TYK2: variants seen among roughly 807,000 people sequenced by gnomAD.
The protein encoded by TYK2 is non-receptor tyrosine-protein kinase TYK2.
In TYK2, 65 loss-of-function variants were observed where a neutral mutation model predicts 130.9. The ratio of observed to expected loss-of-function variants is 0.50; its 90% CI spans 0.41 to 0.61. The LOEUF (loss-of-function observed/expected upper bound fraction) is 0.61. Among genes scored for constraint, TYK2 ranks in the 20% least tolerant of loss-of-function variants. The pLI is 0.00. For synonymous variants in TYK2, 647 were observed against 658.9 expected, an observed-to-expected ratio of 0.98 and a Z score of 0.28; for missense variants, 1,378 against 1,610.7, an observed-to-expected ratio of 0.86 and a Z score of 2.47.
At chr19:10,370,047 CAACACAACAA>C in intron 3 of TYK2, among the ~76,000 whole-genome samples, 1 of 148,238 alleles carries the variant, frequency 6.7e-6, no homozygotes, top group African/African-American at 2.5e-5. Context: ...CTGTCTCAAA[CAACACAACAA>C]AACAAAACAA....
Position 10,364,495 on chromosome 19 carries a change from C to CA in TYK2, c.1367+118dup. ...TGCCACTGCACTCCAGTTTGGGCGA[C>CA]AAAAAATAAAAAAAAAATAAGACGT... On this transcript the variant is annotated intron_variant, in intron 9 of 24. Coordinates refer to ENST00000525621, the MANE Select transcript of TYK2 (RefSeq NM_003331.5). The surrounding 1 kb of genome is among the most constrained non-coding windows in gnomAD (Gnocchi z 4.9). 2.3e-6 allele frequency: 3 copies of CA among 1,284,224 alleles called. No homozygotes were observed. Among genetic ancestry groups the CA allele is most frequent in the South Asian group, 1.3e-5 (1 of 78,220 alleles). The allele number at this position is 1,284,224 out of a possible 1,614,324, so 79.6% of individuals were successfully genotyped here.
chr19:10,362,514 C>G (rs1470105417), intron 10 of TYK2, 35 bp downstream of exon 10: 1 of 1,555,350 alleles, frequency 6.4e-7, no homozygotes, highest in South Asian at 1.2e-5. Context: ...GGGAACGTGT[C>G]CAGCCCCAGC....
Position 10,365,020 on chromosome 19 carries a change from G to A in TYK2, c.1040C>T (p.Pro347Leu), listed in dbSNP as rs2041591248. Reference protein sequence around the residue: ...EGSSGSSGRNPQASLFGKKAK... With the variant: ...EGSSGSSGRNLQASLFGKKAK... ...CTTCTTCCCAAACAGGCTGGCTTGG[G>A]GGTTCCTGCCACTGCTGCCACTAGA... The change falls in exon 8 of 25, where the codon CCC (proline) becomes CTC (leucine). Residue 347 changes from proline to leucine, a missense_variant. Physicochemically the swap from Pro to Leu is moderately conservative, Grantham distance 98 (BLOSUM62 -3). Transcript: ENST00000525621. 4 of 1,609,788 alleles carry A rather than the reference G, an allele frequency of 2.5e-6. No homozygotes were observed. The highest frequency in any genetic ancestry group is 3.4e-6 in the Non-Finnish European group (4 of 1,177,904).
rs773804132 is a variant in TYK2 at position 10,357,873 on chromosome 19, C to G, written c.2357G>C (p.Gly786Ala). The G allele has an allele frequency of 6.2e-7, 1 of 1,613,546 alleles. No homozygotes were observed. Among genetic ancestry groups the G allele is most frequent in the Non-Finnish European group, 8.5e-7 (1 of 1,180,026 alleles). The stretch of plus-strand genomic sequence containing the variant: ...GGCGGTGCTTAGGCTGTTGGCCCCA[C>G]CTGGTAGGCATTCGGGGGCCAGCCA... ...IPWLAPECLP[G>A]GANSLSTAMD... Residue 786 changes from glycine to alanine, a missense_variant, in exon 17 of 25, where the codon GGT (glycine) becomes GCT (alanine). By Grantham distance (60) the Gly-to-Ala change is moderately conservative (BLOSUM62 0). Coordinates refer to ENST00000525621, the MANE Select transcript of TYK2 (RefSeq NM_003331.5).
At chr19:10,366,390 C>T (rs1179554317) in intron 6 of TYK2, 27 bp downstream of exon 6, 6 of 1,605,960 alleles carry the variant, frequency 3.7e-6, no homozygotes, top group East Asian at 2.2e-5. Context: ...CCTGCCTACA[C>T]AGCGTCCCCA....
Position 10,353,516 on chromosome 19 carries a change from G to T in TYK2, c.3027+12C>A. On this transcript the variant is annotated intron_variant, in intron 21 of 24. Coordinates refer to ENST00000525621, the MANE Select transcript of TYK2 (RefSeq NM_003331.5). This position sits in a 1 kb window ranked among gnomAD's most constrained non-coding sequence, Gnocchi z 6.9. ...GGGGCAAGCTCCAGAAGCAGGGGCG[G>T]GGCCGACCAACCTCGCAGATCTGCT... is the stretch of plus-strand genomic sequence containing the variant. 6.7e-7 allele frequency: 1 copy of T among 1,493,626 alleles called. No homozygotes were observed. Among genetic ancestry groups the T allele is most frequent in the East Asian group, 2.4e-5 (1 of 41,362 alleles). 92.5% of individuals were successfully genotyped at this position (1,493,626 alleles called of 1,614,324 possible). A position where few individuals can be genotyped will look rare whatever the true frequency, so the allele number is the denominator to read the frequency against.
Position 10,361,526 on chromosome 19 carries a change from C to A in TYK2, c.2032G>T (p.Val678Leu). 1 of 1,546,152 alleles carries A rather than the reference C, an allele frequency of 6.5e-7. No individual in the cohort carries two copies. The change falls in exon 14 of 25, where the codon GTG (valine) becomes TTG (leucine). Residue 678 changes from valine (V) to leucine (L), a missense_variant. Physicochemically the swap from Val to Leu is conservative, Grantham distance 32. Coordinates refer to ENST00000525621, the MANE Select transcript of TYK2 (RefSeq NM_003331.5). The surrounding 1 kb of genome is among the most constrained non-coding windows in gnomAD (Gnocchi z 4.0). ...ACCCACTCACTTTCAGGGCCGCGCA[C>A]ACAGACGCCATGCACGAAGGCCAGG... ...THLAFVHGVCVRGPENIMVTE... is the reference protein window; with the variant it reads ...THLAFVHGVCLRGPENIMVTE...
chr19:10,375,783 C>T (rs928153228), intron 3 of TYK2, among the ~76,000 whole-genome samples: 12 of 150,542 alleles, frequency 8.0e-5, no homozygotes, highest in Admixed American at 2.7e-4. Context: ...AAAATCTAGC[C>T]GGGCATGGTG....
intron 3 of TYK2, among the ~76,000 whole-genome samples, chr19:10,372,569 A>G (rs1009248965): frequency 6.2e-5 from 8 of 128,054 alleles, no homozygotes; most frequent in Non-Finnish European, 9.6e-5. Flanking sequence ...TGTAGCTTCA[A>G]CCTCCCGGGC....
At chr19:10,373,988 C>A in intron 3 of TYK2, among the ~76,000 whole-genome samples, 1 of 152,098 alleles carries the variant, frequency 6.6e-6, no homozygotes, top group East Asian at 1.9e-4. Flanking sequence ...GTCATGGGGG[C>A]GGGCACAGTG....
At position 10,353,182 on chromosome 19, in the gene TYK2, T is replaced by TG; in HGVS notation, c.3028-85dup. 1 of 1,265,812 alleles carries TG rather than the reference T, an allele frequency of 7.9e-7. No homozygotes were observed. The highest frequency in any genetic ancestry group is 1.0e-6 in the Non-Finnish European group (1 of 957,766). 78.4% of individuals were successfully genotyped at this position (1,265,812 alleles called of 1,614,324 possible). ...GCAGGACCTGAGCAGCCAGGAGGGC[T>TG]GGGGGACAGTCAGGTCAGGCCGGTG... On this transcript the variant is annotated intron_variant, in intron 21 of 24. Coordinates refer to ENST00000525621, the MANE Select transcript of TYK2 (RefSeq NM_003331.5). The surrounding 1 kb of genome is among the most constrained non-coding windows in gnomAD (Gnocchi z 6.9).
intron 5 of TYK2, among the ~76,000 whole-genome samples, chr19:10,367,612 A>G (rs1197872899): frequency 1.3e-5 from 2 of 151,878 alleles, no homozygotes; most frequent in African/African-American, 4.8e-5. Flanking sequence ...GCCACAGAGC[A>G]AGACTCCATT....
chr19:10,363,471 C>G (rs1254317336), intron 9 of TYK2, among the ~76,000 whole-genome samples: 1 of 152,146 alleles, frequency 6.6e-6, no homozygotes, highest in Non-Finnish European at 1.5e-5. Flanking sequence ...TGAGCCACCA[C>G]ACCCAGCCTA....
At chr19:10,367,215 G>A (rs1239870963) in intron 5 of TYK2, among the ~76,000 whole-genome samples, 4 of 152,146 alleles carry the variant, frequency 2.6e-5, no homozygotes. Context: ...CCACCTTGAG[G>A]AGGGGAGAGA....
Position 10,368,401 on chromosome 19 carries a change from A to T in TYK2, c.211T>A (p.Phe71Ile). Residue 71 changes from phenylalanine to isoleucine, a missense_variant, in exon 4 of 25, where the codon TTC becomes ATC. By Grantham distance (21) the Phe-to-Ile change is conservative. Coordinates refer to ENST00000525621, the MANE Select transcript of TYK2 (RefSeq NM_003331.5). ...AHKVGITPPC[F>I]NLFALFDAQA... ...GCATCGAAGAGGGCAAAGAGATTGA[A>T]GCAAGGAGGAGTGATACCTGGATCA... 6.2e-7 allele frequency: 1 copy of T among 1,614,126 alleles called. No homozygotes were observed. Among genetic ancestry groups the T allele is most frequent in the Non-Finnish European group, 8.5e-7 (1 of 1,180,018 alleles).
At position 10,365,820 on chromosome 19, in the gene TYK2, G is replaced by A. The variant is rs372328362; in HGVS notation, c.708C>T (p.Asn236=). 62 of 1,612,328 alleles carry A rather than the reference G, an allele frequency of 3.8e-5. No homozygotes were observed. Among genetic ancestry groups the A allele is most frequent in the African/African-American group, 2.4e-4 (18 of 74,938 alleles). ...HSALTRLRLR[N]VFRRFLRDFQ... is the part of the protein sequence containing the mutation. ...AGTCCCGCAGGAACCTGCGGAAGAC[G>A]TTCCGAAGGCGCAGCCGGGTCAGGG... The change falls in exon 7 of 25, where the codon AAC becomes AAT. Residue 236 remains asparagine (N), a synonymous_variant. Transcript: ENST00000525621.
chr19:10,371,534 G>C (rs550047226), intron 3 of TYK2, among the ~76,000 whole-genome samples: 2 of 152,176 alleles, frequency 1.3e-5, no homozygotes, highest in East Asian at 3.9e-4. Context: ...CAGCTACTCG[G>C]GAGGCTGAGG....
In TYK2 at chr19:10,357,886, C is replaced by T. The variant is rs2145185225; in HGVS notation, c.2344G>A (p.Glu782Lys). 3.1e-6 allele frequency: 5 copies of T among 1,613,478 alleles called. No homozygotes were observed. The highest frequency in any genetic ancestry group is 1.1e-5 in the South Asian group (1 of 91,088). Reference sequence around the variant, plus strand: ...CTGTTGGCCCCACCTGGTAGGCATTCGGGGGCCAGCCAGGGGATCCTCTCC... The same window carrying T: ...CTGTTGGCCCCACCTGGTAGGCATTTGGGGGCCAGCCAGGGGATCCTCTCC... ...RVERIPWLAP[E>K]CLPGGANSLS... The change falls in exon 17 of 25, where the codon GAA becomes AAA. Residue 782 changes from glutamate to lysine, a missense_variant. Coordinates refer to ENST00000525621, the MANE Select transcript of TYK2 (RefSeq NM_003331.5).
chr19:10,378,909 C>T (rs1008634027), intron 2 of TYK2, among the ~76,000 whole-genome samples: 1 of 151,916 alleles, frequency 6.6e-6, no homozygotes, highest in African/African-American at 2.4e-5. Flanking sequence ...ACTCTTGTTG[C>T]CCAGGCTGGA....
Sources: gnomAD v4.1 joint callset for allele counts (sites outside exome capture counted in the v4.1 genomes callset) on GRCh38, gnomAD v4.1.1 for gene constraint, Gnocchi (gnomAD v3.1) non-coding constraint, MANE v1.5 for transcripts, NCBI Gene and HGNC (gene_info 2026-07-23, HGNC 2026-07-21) for gene names.